GGACT: variants seen among roughly 807,000 people sequenced by gnomAD.
GGACT encodes gamma-glutamylaminecyclotransferase.
For missense variants in GGACT, 241 were observed against 233.2 expected (o/e 1.03, Z -0.22); for synonymous variants, 118 against 115.3 (o/e 1.02, Z -0.15).
chr13:100,531,518 A>G lies in GGACT; in HGVS notation c.*612T>C, dbSNP rs1277803998. 1.3e-5 allele frequency: 2 copies of G among 152,226 alleles called. No individual in the cohort carries two copies. Among genetic ancestry groups the G allele is most frequent in the African/African-American group, 4.8e-5 (2 of 41,450 alleles). The allele number at this position is 152,226 out of a possible 1,614,324, so 9.4% of individuals were successfully genotyped here. On this transcript the variant is annotated 3_prime_UTR_variant, in exon 3 of 3. Coordinates refer to ENST00000683975, the MANE Select transcript of GGACT (RefSeq NM_001195087.2). Reference sequence around the variant, plus strand: ...CTTCTACCAAATAAGTATACCAAAAAACGTGGGGGTCAAACACAGTACCAA... The same window carrying G: ...CTTCTACCAAATAAGTATACCAAAAGACGTGGGGGTCAAACACAGTACCAA...
intron 2 of GGACT, among the ~76,000 whole-genome samples, chr13:100,563,515 A>C (rs2088783870): frequency 1.3e-5 from 2 of 152,152 alleles, no homozygotes. Context: ...AAAGTAAATA[A>C]ATCTTTTAAA....
Position 100,532,178 on chromosome 13 carries a change from G to GT in GGACT, c.413dup (p.Asp138GlufsTer52). The GT allele has an allele frequency of 6.8e-7, 1 of 1,465,816 alleles. No homozygotes were observed. Among genetic ancestry groups the GT allele is most frequent in the East Asian group, 2.5e-5 (1 of 39,964 alleles). 90.8% of individuals were successfully genotyped at this position (1,465,816 alleles called of 1,614,324 possible). A position where few individuals can be genotyped will look rare whatever the true frequency, so the allele number is the denominator to read the frequency against. ...AGCGCAGCCCGTGCGGCCCCTCGGA[G>GT]TCGTAGCTGTCATGGTGCGGGAGCT... On this transcript the variant is annotated frameshift_variant, in exon 3 of 3. Transcript: ENST00000683975. LOFTEE classifies it high-confidence loss of function.
intron 2 of GGACT, chr13:100,536,374 A>C (rs1232999147): frequency 2.6e-5 from 4 of 151,230 alleles, no homozygotes; most frequent in Non-Finnish European, 4.4e-5. Flanking sequence ...GGAGGTCCTG[A>C]CTTCAGCCTC....
Position 100,539,972 on chromosome 13 carries a change from T to C in GGACT, c.-10-7371A>G, listed in dbSNP as rs745696620. The C allele has an allele frequency of 9.7e-6, 15 of 1,545,330 alleles. No homozygotes were observed. In the South Asian group the frequency reaches 1.4e-4, roughly 15 times the overall value. ...AATCGAGGTGGGGGTGTTCGGTCCT[T>C]GCGGGCTTCACGAGATCGATTCCTG... is the stretch of plus-strand genomic sequence containing the variant. On this transcript the variant is annotated intron_variant, in intron 2 of 2. Transcript: ENST00000683975.
At chr13:100,574,355 C>T (rs1382771006) in intron 2 of GGACT, among the ~76,000 whole-genome samples, 2 of 152,100 alleles carry the variant, frequency 1.3e-5, no homozygotes, top group Non-Finnish European at 2.9e-5. Context: ...CCGGTGGAAT[C>T]ACTTGATGTC....
Position 100,580,388 on chromosome 13 carries a change from G to C in GGACT, c.-11+3437C>G, listed in dbSNP as rs1875379481. Among the ~76,000 whole-genome samples, 3 of 152,234 alleles carry C rather than the reference G, an allele frequency of 2.0e-5. No homozygotes were observed. The South Asian group carries it at 6.2e-4, about 31-fold the overall frequency. On this transcript the variant is annotated intron_variant, in intron 2 of 2. Transcript: ENST00000683975. ...GACACCGAGGAGGGGGCCATGTGAA[G>C]ACACAGCAGAGCCGGGAGGTGTGCG...
intron 2 of GGACT, among the ~76,000 whole-genome samples, chr13:100,578,221 C>A (rs58688033): frequency 0.15 from 22,621 of 152,176 alleles, 1,990 homozygotes; most frequent in Middle Eastern, 0.24. Flanking sequence ...TCAAACACTG[C>A]CAATGGAGAG....
intron 2 of GGACT, among the ~76,000 whole-genome samples, chr13:100,574,917 G>C (rs1172388347): frequency 6.6e-6 from 1 of 151,436 alleles, no homozygotes; most frequent in East Asian, 1.9e-4. Flanking sequence ...TTTAACACTT[G>C]AAACCAAATC....
At chr13:100,552,099 T>C (rs1053681955) in intron 2 of GGACT, among the ~76,000 whole-genome samples, 1 of 152,206 alleles carries the variant, frequency 6.6e-6, no homozygotes, top group Non-Finnish European at 1.5e-5. Flanking sequence ...AGGCCAGATC[T>C]CTCAGGAAGG....
chr13:100,541,265 A>G (rs1462722590), intron 2 of GGACT, among the ~76,000 whole-genome samples: 1 of 152,228 alleles, frequency 6.6e-6, no homozygotes, highest in Non-Finnish European at 1.5e-5. Context: ...GTAGATGGGC[A>G]TTTAGGGACA....
intron 2 of GGACT, among the ~76,000 whole-genome samples, chr13:100,581,032 G>A (rs117928011): frequency 3.9e-5 from 6 of 152,234 alleles, no homozygotes; most frequent in African/African-American, 7.2e-5. Flanking sequence ...CAGGGAAAAC[G>A]CAAGAGTGAT....
chr13:100,537,544 C>T (rs1594182622), intron 2 of GGACT: 1 of 152,314 alleles, frequency 6.6e-6, no homozygotes, highest in East Asian at 1.9e-4. Flanking sequence ...ACAACGCAGC[C>T]ATGCAGGGAT....
rs1373030674 is a variant in GGACT at position 100,530,310 on chromosome 13, T to C, written c.*1820A>G. On this transcript the variant is annotated 3_prime_UTR_variant, in exon 3 of 3. Coordinates refer to ENST00000683975, the MANE Select transcript of GGACT (RefSeq NM_001195087.2). ...ATTTATTCCACAGAGTCAAGACCAA[T>C]ATTCTGCCAAAAAATCACCAATGGA... The C allele has an allele frequency of 4.2e-6, 3 of 720,552 alleles. No homozygotes were observed. In the African/African-American group the frequency reaches 5.3e-5, roughly 13 times the overall value. 44.6% of individuals were successfully genotyped at this position (720,552 alleles called of 1,614,324 possible).
intron 2 of GGACT, among the ~76,000 whole-genome samples, chr13:100,551,755 A>G (rs945866968): frequency 2.6e-5 from 4 of 152,350 alleles, no homozygotes; most frequent in Non-Finnish European, 4.4e-5. Context: ...GTTTTTCTTT[A>G]AAATTCATGC....
intron 2 of GGACT, among the ~76,000 whole-genome samples, chr13:100,576,818 G>A (rs1463095833): frequency 1.3e-5 from 2 of 152,154 alleles, no homozygotes; most frequent in Non-Finnish European, 2.9e-5. Context: ...TGGCTTTTTG[G>A]TGATGGGACT....
At chr13:100,554,118 T>G (rs150307507) in intron 2 of GGACT, among the ~76,000 whole-genome samples, 1 of 152,144 alleles carries the variant, frequency 6.6e-6, no homozygotes, top group Non-Finnish European at 1.5e-5. Flanking sequence ...GTGATGGAGA[T>G]CAAAGGCTTC....
chr13:100,579,616 A>G (rs1348553660), intron 2 of GGACT, among the ~76,000 whole-genome samples: 1 of 152,098 alleles, frequency 6.6e-6, no homozygotes, highest in Non-Finnish European at 1.5e-5. Flanking sequence ...AAATGCTACA[A>G]CAGAGAGGCC....
In GGACT at chr13:100,545,417, G is replaced by A. The variant is rs776104280; in HGVS notation, c.-10-12816C>T. On this transcript the variant is annotated intron_variant, in intron 2 of 2. Coordinates refer to ENST00000683975, the MANE Select transcript of GGACT (RefSeq NM_001195087.2). This position sits in a 1 kb window ranked among gnomAD's most constrained non-coding sequence, Gnocchi z 4.4. ...TCCTGACCTCCTTCCTGACCTCCAC[G>A]TCCCAGGGCCCCTGGAGGAGGGCAC... is the stretch of plus-strand genomic sequence containing the variant. 2.6e-4 allele frequency among the ~76,000 whole-genome samples: 39 copies of A among 152,038 alleles called. No homozygotes were observed. Among genetic ancestry groups the A allele is most frequent in the Non-Finnish European group, 5.0e-4 (34 of 67,980 alleles).
chr13:100,549,886 T>C (rs910833627), intron 2 of GGACT, among the ~76,000 whole-genome samples: 3 of 152,194 alleles, frequency 2.0e-5, no homozygotes, highest in African/African-American at 7.2e-5. Context: ...AAAATAAACA[T>C]TTTTAAAGAT....
Sources: allele counts gnomAD v4.1 joint callset (sites outside exome capture counted in the v4.1 genomes callset), GRCh38; gene constraint gnomAD v4.1.1; non-coding constraint Gnocchi (gnomAD v3.1); transcripts MANE v1.5; gene names NCBI Gene and HGNC (gene_info 2026-07-23, HGNC 2026-07-21).